Variants in PREP observed in about 807,000 individuals in gnomAD.
PREP encodes the protein prolyl endopeptidase, also known as dJ355L5.1 (prolyl endopeptidase).
In PREP, 29 loss-of-function variants were observed where a neutral mutation model predicts 87.6. The observed-to-expected ratio is 0.33, with a 90% confidence interval of 0.25 to 0.45. PREP has a LOEUF of 0.45. Ranked by LOEUF, PREP falls within the 20% of genes least tolerant of loss-of-function variation. The probability of loss-of-function intolerance (pLI) is 1.00; values close to 1 mark genes in which losing one functional copy is unlikely to be tolerated. For missense variants in PREP, 695 were observed against 886.5 expected, an observed-to-expected ratio of 0.78 and a Z score of 2.74; for synonymous variants, 337 against 328.6, an observed-to-expected ratio of 1.03 and a Z score of -0.28.
At chr6:105,302,684 G>A (rs913029252) in intron 10 of PREP, 10 of 491,698 alleles carry the variant, frequency 2.0e-5, no homozygotes, top group African/African-American at 9.8e-5. Context: ...TGGATGACAC[G>A]GATCTTAGAG....
chr6:105,298,222 A>G (rs1770453193), intron 10 of PREP: 1 of 152,230 alleles, frequency 6.6e-6, no homozygotes, highest in Non-Finnish European at 1.5e-5. Flanking sequence ...AAATGTTGGC[A>G]CTTGCAGGAC....
intron 7 of PREP, among the ~76,000 whole-genome samples, chr6:105,338,552 G>A (rs527457469): frequency 6.6e-6 from 1 of 152,210 alleles, no homozygotes; most frequent in Non-Finnish European, 1.5e-5. Context: ...CAGACAGTGG[G>A]TGCAGCCCAT....
chr6:105,376,253 T>C lies in PREP; in HGVS notation c.257A>G (p.Tyr86Cys), dbSNP rs192851228. ...YSCHFKKGKR[Y>C]FYFYNTGLQN... is the part of the protein sequence containing the mutation. ...CAAACCTGTATTGTAAAAATAAAAA[T>C]ACCTGGGGAACAGAGATGGTCTTTA... is the stretch of plus-strand genomic sequence containing the variant. Residue 86 changes from tyrosine to cysteine, a missense_variant and splice_region_variant, in exon 4 of 15, where the codon TAT (tyrosine) becomes TGT (cysteine). Around this residue, in one of 5 missense-constraint regions of PREP, gnomAD observed 517 missense variants for 620.3 expected, o/e 0.83. Transcript: ENST00000652536. The C allele has an allele frequency of 1.2e-6, 2 of 1,612,790 alleles. No homozygotes were observed. Among genetic ancestry groups the C allele is most frequent in the East Asian group, 2.2e-5 (1 of 44,856 alleles).
At chr6:105,368,876 G>A (rs1254081815) in intron 6 of PREP, 27 bp downstream of exon 6, 2 of 1,611,922 alleles carry the variant, frequency 1.2e-6, no homozygotes, top group Non-Finnish European at 1.7e-6. Flanking sequence ...CAGTCTTTGG[G>A]GGTAAAATTT....
intron 6 of PREP, among the ~76,000 whole-genome samples, chr6:105,362,209 C>T (rs1772267910): frequency 6.6e-6 from 1 of 152,126 alleles, no homozygotes; most frequent in African/African-American, 2.4e-5. Context: ...GCCTGTAATC[C>T]CAGCACTTTG....
chr6:105,357,303 T>C (rs1260088537), intron 6 of PREP, among the ~76,000 whole-genome samples: 1 of 152,228 alleles, frequency 6.6e-6, no homozygotes, highest in Non-Finnish European at 1.5e-5. Context: ...GATTCAGTCA[T>C]CAGAAAGATA....
chr6:105,394,030 G>A (rs763074723), intron 2 of PREP, among the ~76,000 whole-genome samples: 1 of 151,570 alleles, frequency 6.6e-6, no homozygotes, highest in African/African-American at 2.4e-5. Context: ...AGCTACAAGT[G>A]GCTAGTGGTT....
chr6:105,376,401 G>A (rs1226328660), intron 3 of PREP, 146 bp from the exon 4 acceptor site: 8 of 832,844 alleles, frequency 9.6e-6, no homozygotes, highest in Non-Finnish European at 1.4e-5. Flanking sequence ...GTGGGGACAT[G>A]GGTGAAAGGT....
intron 10 of PREP, among the ~76,000 whole-genome samples, chr6:105,305,637 A>C (rs996641056): frequency 6.6e-6 from 1 of 152,168 alleles, no homozygotes; most frequent in Non-Finnish European, 1.5e-5. Flanking sequence ...TTATATTCTG[A>C]ACTTGGCTGT....
intron 2 of PREP, among the ~76,000 whole-genome samples, chr6:105,397,560 T>C (rs568465071): frequency 6.6e-6 from 1 of 152,364 alleles, no homozygotes; most frequent in South Asian, 2.1e-4. Context: ...ATTTTTTCTT[T>C]TGGCAAAAAT....
At chr6:105,302,385 T>C (rs1770554867) in intron 10 of PREP, 1 of 216,128 alleles carries the variant, frequency 4.6e-6, no homozygotes, top group Non-Finnish European at 9.3e-6. Context: ...GAATACAGAA[T>C]TGCATATTAA....
intron 2 of PREP, among the ~76,000 whole-genome samples, chr6:105,382,799 G>A (rs1162196285): frequency 1.3e-5 from 2 of 152,200 alleles, no homozygotes; most frequent in Non-Finnish European, 1.5e-5. Flanking sequence ...TCAGGCCCGG[G>A]TATCAACCTC....
rs1166346540 is a variant in PREP, at chr6:105,278,474, C to T, written c.1839-36G>A. 5.7e-6 allele frequency: 9 copies of T among 1,578,894 alleles called. No individual in the cohort carries two copies. The highest frequency in any genetic ancestry group is 1.3e-5 in the African/African-American group (1 of 74,324). ...AAAACACCTTTGTGAGGCTGGAGAG[C>T]AACAGTAGAGTTTTATGGCACAGGG... On this transcript the variant is annotated intron_variant, in intron 14 of 14. Transcript: ENST00000652536. The surrounding 1 kb of genome is among the most constrained non-coding windows in gnomAD (Gnocchi z 4.2).
At chr6:105,351,614 G>C (rs1324606982) in intron 7 of PREP, among the ~76,000 whole-genome samples, 2 of 152,144 alleles carry the variant, frequency 1.3e-5, no homozygotes, top group African/African-American at 4.8e-5. Context: ...ATAGCAGTCT[G>C]GTATATAAAT....
At chr6:105,393,298 T>C (rs1773204786) in intron 2 of PREP, among the ~76,000 whole-genome samples, 1 of 152,160 alleles carries the variant, frequency 6.6e-6, no homozygotes, top group Admixed American at 6.5e-5. Context: ...TAATTTAGGT[T>C]GGCTAATTCT....
intron 10 of PREP, among the ~76,000 whole-genome samples, chr6:105,310,808 T>G (rs1770745197): frequency 6.6e-6 from 1 of 152,192 alleles, no homozygotes; most frequent in Non-Finnish European, 1.5e-5. Context: ...AACTCAGATC[T>G]CTCCTTTGAG....
At chr6:105,330,621 A>G (rs4410764) in intron 8 of PREP, among the ~76,000 whole-genome samples, 15,084 of 149,242 alleles carry the variant, frequency 0.1, 1,873 homozygotes, top group African/African-American at 0.3. Flanking sequence ...ACAGGGCTGT[A>G]GGGGACAGGT....
chr6:105,361,806 C>T (rs1583081857), intron 6 of PREP, among the ~76,000 whole-genome samples: 1 of 152,246 alleles, frequency 6.6e-6, no homozygotes, highest in East Asian at 1.9e-4. Context: ...TAACCACCTA[C>T]AATGATGACT....
intron 6 of PREP, among the ~76,000 whole-genome samples, chr6:105,366,157 T>C (rs989489373): frequency 3.3e-5 from 5 of 152,028 alleles, no homozygotes; most frequent in Admixed American, 2.6e-4. Flanking sequence ...CTCAGGAGGG[T>C]GAGGCAGGAA....
Sources: gnomAD v4.1 joint callset for allele counts (sites outside exome capture counted in the v4.1 genomes callset) on GRCh38, gnomAD v4.1.1 for gene constraint, gnomAD v4.1.1 regional missense constraint, Gnocchi (gnomAD v3.1) non-coding constraint, MANE v1.5 for transcripts, NCBI Gene and HGNC (gene_info 2026-07-23, HGNC 2026-07-21) for gene names.